The following ADAMTS17 variants were observed in gnomAD, a reference collection of about 807,000 sequenced individuals.
ADAMTS17 encodes ADAM metallopeptidase with thrombospondin type 1 motif 17.
Under a neutral mutation model 141.5 loss-of-function variants are expected in ADAMTS17, and 113 were observed. The ratio of observed to expected loss-of-function variants is 0.80; its 90% CI spans 0.69 to 0.93. The LOEUF (loss-of-function observed/expected upper bound fraction) is 0.93, where lower values mean the gene tolerates loss of function less well. ADAMTS17 is among the 40% of genes least tolerant of loss of function. ADAMTS17 has a pLI of 0.00. For missense variants in ADAMTS17, 1,659 were observed against 1,517.9 expected (o/e 1.09, Z -1.54); for synonymous variants, 768 against 630.6 (o/e 1.22, Z -3.27).
intron 8 of ADAMTS17, among the ~76,000 whole-genome samples, chr15:100,162,771 C>CAT (rs202173434): frequency 4.9e-5 from 7 of 144,300 alleles, no homozygotes; most frequent in South Asian, 4.3e-4. Flanking sequence ...CACATATACA[C>CAT]ATATATATAC....
chr15:100,296,629 G>A (rs76447274), intron 3 of ADAMTS17, among the ~76,000 whole-genome samples: 509 of 152,160 alleles, frequency 3.3e-3, no homozygotes, highest in African/African-American at 0.011. Context: ...GCATGCACGC[G>A]CACGTGCATT....
rs181562942 is a variant in ADAMTS17 at position 100,066,457 on chromosome 15, C to G, written c.2138-12403G>C. Among the ~76,000 whole-genome samples, 57 of 152,026 alleles carry G rather than the reference C, an allele frequency of 3.7e-4. 2 individuals are homozygous for G. In the South Asian group the frequency reaches 0.011, roughly 31 times the overall value. Reference sequence around the variant, plus strand: ...TAAACATTTATCATTTTTTTCTCACCATTTCTTCCCCACATCAGACCATTC... The same window carrying G: ...TAAACATTTATCATTTTTTTCTCACGATTTCTTCCCCACATCAGACCATTC... On this transcript the variant is annotated intron_variant, in intron 15 of 21. Transcript: ENST00000268070.
At chr15:100,110,090 C>T (rs542884832) in intron 13 of ADAMTS17, among the ~76,000 whole-genome samples, 2 of 149,190 alleles carry the variant, frequency 1.3e-5, no homozygotes, top group South Asian at 4.2e-4. Flanking sequence ...TCTGTGAACT[C>T]TTAGAGGGCA....
chr15:100,037,390 C>T (rs113971316), intron 18 of ADAMTS17, among the ~76,000 whole-genome samples: 6,937 of 151,066 alleles, frequency 0.046, 331 homozygotes, highest in African/African-American at 0.12. Context: ...GCTGTAGTAG[C>T]TCTTTAGGTA....
intron 3 of ADAMTS17, among the ~76,000 whole-genome samples, chr15:100,329,683 A>C (rs182680655): frequency 6.6e-6 from 1 of 152,158 alleles, no homozygotes; most frequent in African/African-American, 2.4e-5. Flanking sequence ...GAAAAACCCT[A>C]ATGTCTCCAT....
chr15:100,144,600 G>A (rs572682970), intron 10 of ADAMTS17, among the ~76,000 whole-genome samples: 20 of 152,106 alleles, frequency 1.3e-4, no homozygotes, highest in Non-Finnish European at 2.4e-4. Flanking sequence ...CACGGGTATG[G>A]CTAAGACTCC....
In ADAMTS17 at chr15:100,077,461, C is replaced by CAAAAAAAA. The variant is rs61464362; in HGVS notation, c.2137+18887_2137+18894dup. ...TGGGCAACAGAGTGAGACTCCCTCT[C>CAAAAAAAA]AAAAAAAAAAAAAAAATCAATCAAT... On this transcript the variant is annotated intron_variant, in intron 15 of 21. Coordinates refer to ENST00000268070, the MANE Select transcript of ADAMTS17 (RefSeq NM_139057.4). Among the ~76,000 whole-genome samples the CAAAAAAAA allele has an allele frequency of 7.7e-4, 108 of 139,386 alleles. 1 individual carries two copies. Among genetic ancestry groups the CAAAAAAAA allele is most frequent in the African/African-American group, 2.8e-3 (104 of 36,674 alleles). The allele number at this position is 139,386 out of a possible 152,430, so 91.4% of individuals were successfully genotyped here.
At chr15:100,146,551 C>T (rs1245080098) in intron 10 of ADAMTS17, among the ~76,000 whole-genome samples, 3 of 152,196 alleles carry the variant, frequency 2.0e-5, no homozygotes, top group Non-Finnish European at 4.4e-5. Flanking sequence ...AATTGTACAG[C>T]ATGTGTGTTT....
At chr15:100,037,507 C>T (rs1179989853) in intron 18 of ADAMTS17, among the ~76,000 whole-genome samples, 2 of 151,708 alleles carry the variant, frequency 1.3e-5, no homozygotes, top group East Asian at 3.9e-4. Context: ...GCCTCTGGGG[C>T]TCAAGCCATT....
intron 4 of ADAMTS17, among the ~76,000 whole-genome samples, chr15:100,276,968 T>C (rs2044118937): frequency 6.6e-6 from 1 of 152,130 alleles, no homozygotes; most frequent in Admixed American, 6.5e-5. Context: ...TTTTTCAATT[T>C]ACTTAATGGT....
chr15:100,090,862 GC>G (rs35306755), intron 15 of ADAMTS17, among the ~76,000 whole-genome samples: 55,012 of 151,602 alleles, frequency 0.36, 12,415 homozygotes, highest in Non-Finnish European at 0.5. Flanking sequence ...CAAAAAATTA[GC>G]CAGGTTTGGT....
chr15:100,062,097 G>A (rs576667931), intron 15 of ADAMTS17, among the ~76,000 whole-genome samples: 1 of 151,006 alleles, frequency 6.6e-6, no homozygotes, highest in Non-Finnish European at 1.5e-5. Flanking sequence ...ATTTTTAAGT[G>A]TTGTTCTATT....
chr15:100,243,536 T>C (rs1234894350), intron 7 of ADAMTS17, among the ~76,000 whole-genome samples: 1 of 152,182 alleles, frequency 6.6e-6, no homozygotes, highest in Non-Finnish European at 1.5e-5. Context: ...ACGCCAGTAA[T>C]CCTAATACTT....
At chr15:100,118,013 G>A (rs2037247159) in intron 12 of ADAMTS17, among the ~76,000 whole-genome samples, 1 of 152,334 alleles carries the variant, frequency 6.6e-6, no homozygotes, top group South Asian at 2.1e-4. Flanking sequence ...CATGTTCAGA[G>A]AGCAAGACCA....
chr15:100,213,548 T>G (rs1031650925), intron 7 of ADAMTS17, among the ~76,000 whole-genome samples: 13 of 152,184 alleles, frequency 8.5e-5, no homozygotes, highest in African/African-American at 3.1e-4. Flanking sequence ...AGAAAAGAGC[T>G]GTGTTATTTT....
chr15:100,338,909 T>C, intron 2 of ADAMTS17: 19 of 981,762 alleles, frequency 1.9e-5, no homozygotes, highest in Non-Finnish European at 2.3e-5. Flanking sequence ...TGTTGCTTTC[T>C]TTTCTTTACG....
At chr15:100,067,887 G>C (rs2033658309) in intron 15 of ADAMTS17, among the ~76,000 whole-genome samples, 1 of 152,156 alleles carries the variant, frequency 6.6e-6, no homozygotes, top group Admixed American at 6.5e-5. Context: ...TCTCACTGGG[G>C]AGTGTCGGAA....
intron 3 of ADAMTS17, among the ~76,000 whole-genome samples, chr15:100,297,402 G>C (rs913469181): frequency 6.6e-6 from 1 of 152,138 alleles, no homozygotes; most frequent in Non-Finnish European, 1.5e-5. Context: ...AGATTCCAGG[G>C]CACACTGGTT....
chr15:100,280,856 G>C lies in ADAMTS17; in HGVS notation c.789+373C>G, dbSNP rs1257136648. ...AACACAGTAAGCTCTTTTTCCCATA[G>C]AGGTTGGAATTTGTTCCCCCCGCTA... On this transcript the variant is annotated intron_variant, in intron 4 of 21. Coordinates refer to ENST00000268070, the MANE Select transcript of ADAMTS17 (RefSeq NM_139057.4). 2.0e-5 allele frequency among the ~76,000 whole-genome samples: 3 copies of C among 152,098 alleles called. No homozygotes were observed. In the South Asian group the frequency reaches 6.2e-4, roughly 32 times the overall value.
Sources: gnomAD v4.1 joint callset for allele counts (sites outside exome capture counted in the v4.1 genomes callset) on GRCh38, gnomAD v4.1.1 for gene constraint, MANE v1.5 for transcripts, NCBI Gene and HGNC (gene_info 2026-07-23, HGNC 2026-07-21) for gene names.